CYP7A1: variants seen among roughly 807,000 people sequenced by gnomAD.
CYP7A1 encodes the protein cytochrome P450 7A1.
CYP7A1 carries 28 observed loss-of-function variants against 43.8 expected under a neutral mutation model. That is an observed-to-expected ratio of 0.64 (90% CI 0.47 to 0.88). The LOEUF (loss-of-function observed/expected upper bound fraction) is 0.88. CYP7A1 is among the 40% of genes least tolerant of loss of function. The pLI, the probability that CYP7A1 is intolerant of heterozygous loss-of-function variation, is 0.00. For synonymous variants in CYP7A1, 227 were observed against 222.5 expected (o/e 1.02, Z -0.18); for missense variants, 637 against 611.9 (o/e 1.04, Z -0.43).
intron 5 of CYP7A1, 26 bp downstream of exon 5, chr8:58,492,327 T>C (rs1290069946): frequency 3.2e-6 from 5 of 1,580,848 alleles, no homozygotes; most frequent in Admixed American, 3.3e-5. Context: ...CACCTGGATA[T>C]TGAATTTCAA....
intron 1 of CYP7A1, among the ~76,000 whole-genome samples, chr8:58,499,394 C>T (rs1197021500): frequency 6.6e-6 from 1 of 152,166 alleles, no homozygotes; most frequent in Non-Finnish European, 1.5e-5. Flanking sequence ...AACTATGGTT[C>T]TGGATCTGAC....
chr8:58,493,381 C>T (rs11786580), intron 4 of CYP7A1, among the ~76,000 whole-genome samples: 28,259 of 152,064 alleles, frequency 0.19, 2,738 homozygotes, highest in Middle Eastern at 0.27. Context: ...CTATCTGATG[C>T]TGCGTGGCGA....
At chr8:58,492,307 A>T in intron 5 of CYP7A1, 46 bp downstream of exon 5, 1 of 1,386,420 alleles carries the variant, frequency 7.2e-7, no homozygotes, top group South Asian at 1.2e-5. Context: ...ATTTAGATCT[A>T]GGTAGCTATC....
Position 58,498,472 on chromosome 8 carries a change from G to T in CYP7A1, c.81-3C>A. 1 of 1,614,022 alleles carries T rather than the reference G, an allele frequency of 6.2e-7. No homozygotes were observed. The highest frequency in any genetic ancestry group is 8.5e-7 in the Non-Finnish European group (1 of 1,179,932). ...CTAGAGGTGGTTCACCCGTTTGCCT[G>T]TCAGACACAAGTGTATGATAGACAT... On this transcript the variant is annotated splice_region_variant and splice_polypyrimidine_tract_variant and intron_variant, in intron 1 of 5. Coordinates refer to ENST00000301645, the MANE Select transcript of CYP7A1 (RefSeq NM_000780.4).
At chr8:58,494,094 T>A (rs1450644450) in intron 4 of CYP7A1, among the ~76,000 whole-genome samples, 1 of 152,200 alleles carries the variant, frequency 6.6e-6, no homozygotes, top group African/African-American at 2.4e-5. Flanking sequence ...CACTTTCAAA[T>A]CCATCACTCA....
At chr8:58,497,833 C>T (rs1485568302) in intron 2 of CYP7A1, among the ~76,000 whole-genome samples, 1 of 152,124 alleles carries the variant, frequency 6.6e-6, no homozygotes, top group Non-Finnish European at 1.5e-5. Flanking sequence ...TTGCCAATTC[C>T]TTATCAAAAT....
At chr8:58,496,471 A>G in intron 3 of CYP7A1, 133 bp downstream of exon 3, 1 of 680,226 alleles carries the variant, frequency 1.5e-6, no homozygotes, top group South Asian at 1.8e-5. Context: ...GTTAAACACT[A>G]ACATGCATTA....
Position 58,498,299 on chromosome 8 carries a change from G to T in CYP7A1, c.251C>A (p.Ser84Ter). 6.2e-7 allele frequency: 1 copy of T among 1,614,072 alleles called. No homozygotes were observed. Among genetic ancestry groups the T allele is most frequent in the South Asian group, 1.1e-5 (1 of 91,072 alleles). ...KYVHFITNPL[S>*]YHKVLCHGKY... ...TCCGTGGCACAACACCTTATGGTAT[G>T]ACAAGGGATTTGTGATGAAATGGAC... Residue 84 changes from serine (S) to a stop codon, truncating the protein, a stop_gained, in exon 2 of 6, where the codon TCA (serine) becomes TAA (stop). Coordinates refer to ENST00000301645, the MANE Select transcript of CYP7A1 (RefSeq NM_000780.4). LOFTEE classifies it high-confidence loss of function.
Position 58,498,361 on chromosome 8 carries a change from A to G in CYP7A1, c.189T>C (p.His63=), listed in dbSNP as rs113258453. 11 of 1,614,046 alleles carry G rather than the reference A, an allele frequency of 6.8e-6. No homozygotes were observed. The African/African-American group carries it at 1.3e-4, about 20-fold the overall frequency. The change falls in exon 2 of 6, where the codon CAT becomes CAC. Residue 63 remains histidine (H), a synonymous_variant. Transcript: ENST00000301645. ...LEFLRANQRK[H]GHVFTCKLMG... The stretch of plus-strand genomic sequence containing the variant: ...TTAGTTTGCAGGTAAAAACATGACC[A>G]TGTTTCCTTTGATTTGCTCTGAGGA...
chr8:58,496,005 A>G (rs959650989), intron 3 of CYP7A1, among the ~76,000 whole-genome samples: 1 of 152,224 alleles, frequency 6.6e-6, no homozygotes, highest in Non-Finnish European at 1.5e-5. Flanking sequence ...AACATATGTT[A>G]TTACAGTTTT....
chr8:58,492,754 C>T (rs1809372348), intron 4 of CYP7A1, among the ~76,000 whole-genome samples: 1 of 152,028 alleles, frequency 6.6e-6, no homozygotes. Context: ...TCAACTGTGT[C>T]TGAATTTTTT....
chr8:58,493,061 G>A (rs562022097), intron 4 of CYP7A1, among the ~76,000 whole-genome samples: 22 of 152,258 alleles, frequency 1.4e-4, no homozygotes, highest in East Asian at 1.4e-3. Flanking sequence ...GTGAGTCACC[G>A]TGCCTGGCCT....
Position 58,495,215 on chromosome 8 carries a change from T to TTTTTTTTATTTATTTATTTATTTA in CYP7A1, c.909-580_909-579insTAAATAAATAAATAAATAAAAAAA, listed in dbSNP as rs1554558470. Among the ~76,000 whole-genome samples, 21 of 143,454 alleles carry TTTTTTTTATTTATTTATTTATTTA rather than the reference T, an allele frequency of 1.5e-4. 1 individual carries two copies. The highest frequency in any genetic ancestry group is 3.4e-4 in the African/African-American group (13 of 38,152). 94.1% of individuals were successfully genotyped at this position (143,454 alleles called of 152,430 possible). A position where few individuals can be genotyped will look rare whatever the true frequency, so the allele number is the denominator to read the frequency against. On this transcript the variant is annotated intron_variant, in intron 3 of 5. Coordinates refer to ENST00000301645, the MANE Select transcript of CYP7A1 (RefSeq NM_000780.4). ...ACTTTGGTGAGGGCTTTTATTTTAT[T>TTTTTTTTATTTATTTATTTATTTA]TTTATTTATTTATTTATTTATTTAT...
In CYP7A1 at chr8:58,491,332, C is replaced by T; in HGVS notation, c.*143G>A. The stretch of plus-strand genomic sequence containing the variant: ...AAACTGTCACCAAAATGTTAAGATT[C>T]ACAAGCAAGCACTGGTGAACAACAT... On this transcript the variant is annotated 3_prime_UTR_variant, in exon 6 of 6. Transcript: ENST00000301645. 6.4e-6 allele frequency: 5 copies of T among 779,492 alleles called. No homozygotes were observed. Among genetic ancestry groups the T allele is most frequent in the Non-Finnish European group, 1.0e-5 (5 of 478,004 alleles). 48.3% of individuals were successfully genotyped at this position (779,492 alleles called of 1,614,324 possible). A position where few individuals can be genotyped will look rare whatever the true frequency, so the allele number is the denominator to read the frequency against.
At chr8:58,494,723 C>T (rs1809411847) in intron 3 of CYP7A1, 87 bp from the exon 4 acceptor site, 2 of 1,217,772 alleles carry the variant, frequency 1.6e-6, no homozygotes, top group Non-Finnish European at 1.2e-6. Flanking sequence ...GCCTTTCCCC[C>T]TTCTTTTAAC....
rs8192877 is a variant in CYP7A1 at position 58,491,882 on chromosome 8, A to G, written c.1216-108T>C. 0.13 allele frequency: 116,569 copies of G among 904,936 alleles called. 8,230 individuals carry two copies. The highest frequency in any genetic ancestry group is 0.17 in the Middle Eastern group (525 of 3,046). 56.1% of individuals were successfully genotyped at this position (904,936 alleles called of 1,614,324 possible). A position where few individuals can be genotyped will look rare whatever the true frequency, so the allele number is the denominator to read the frequency against. On this transcript the variant is annotated intron_variant, in intron 5 of 5. Coordinates refer to ENST00000301645, the MANE Select transcript of CYP7A1 (RefSeq NM_000780.4). ...GTAATTTTCTTTTTAATTCTACCCC[A>G]TTAGTGATTTAGCAAATACTCCACA... is the stretch of plus-strand genomic sequence containing the variant.
At position 58,490,894 on chromosome 8, in the gene CYP7A1, A is replaced by G. The variant is rs1445553826; in HGVS notation, c.*581T>C. The G allele has an allele frequency of 6.5e-6, 1 of 153,274 alleles. No individual in the cohort carries two copies. Among genetic ancestry groups the G allele is most frequent in the Non-Finnish European group, 1.5e-5 (1 of 68,758 alleles). 9.5% of individuals were successfully genotyped at this position (153,274 alleles called of 1,614,324 possible). On this transcript the variant is annotated 3_prime_UTR_variant, in exon 6 of 6. Transcript: ENST00000301645. ...AAGAACCCCACCATCTAGTCAACAA[A>G]TAATGCAGTTTCACTAGAACGTGAA... is the stretch of plus-strand genomic sequence containing the variant.
At chr8:58,496,014 T>G (rs918030729) in intron 3 of CYP7A1, among the ~76,000 whole-genome samples, 67 of 152,248 alleles carry the variant, frequency 4.4e-4, no homozygotes, top group African/African-American at 1.6e-3. Context: ...TATTACAGTT[T>G]TTTTCTGTTA....
At chr8:58,495,235 A>T in intron 3 of CYP7A1, among the ~76,000 whole-genome samples, 1 of 149,568 alleles carries the variant, frequency 6.7e-6, no homozygotes, top group Non-Finnish European at 1.5e-5. Context: ...TTATTTATTT[A>T]TTTATTTTGA....
Sources: allele counts gnomAD v4.1 joint callset (sites outside exome capture counted in the v4.1 genomes callset), GRCh38; gene constraint gnomAD v4.1.1; transcripts MANE v1.5; gene names NCBI Gene and HGNC (gene_info 2026-07-23, HGNC 2026-07-21).